DNAJC24: variants seen among roughly 807,000 people sequenced by gnomAD.
DNAJC24 encodes DnaJ heat shock protein family (Hsp40) member C24.
A neutral mutation model predicts 18.0 loss-of-function variants in DNAJC24; 17 were observed. The observed-to-expected ratio is 0.94, with a 90% CI of 0.65 to 1.42. The LOEUF is 1.42. Ranked by LOEUF, DNAJC24 falls within the 40% of genes most tolerant of loss-of-function variation. The pLI, the probability that DNAJC24 is intolerant of heterozygous loss-of-function variation, is 0.00. For synonymous variants in DNAJC24, 55 were observed against 57.7 expected (o/e 0.95, Z 0.21); for missense variants, 158 against 175.6 (o/e 0.90, Z 0.57).
chr11:31,432,816 A>C lies in DNAJC24; in HGVS notation c.*2415A>C, dbSNP rs551432389. Reference sequence around the variant, plus strand: ...TGAAATTATATGTGTGTGGTGTGTGAATAAATATGTATGAATATATGGTCT... The same window carrying C: ...TGAAATTATATGTGTGTGGTGTGTGCATAAATATGTATGAATATATGGTCT... On this transcript the variant is annotated 3_prime_UTR_variant, in exon 5 of 5. Transcript: ENST00000465995. Among the ~76,000 whole-genome samples the C allele has an allele frequency of 9.2e-5, 14 of 152,342 alleles. No individual in the cohort carries two copies. Among genetic ancestry groups the C allele is most frequent in the Admixed American group, 3.3e-4 (5 of 15,310 alleles).
intron 3 of DNAJC24, among the ~76,000 whole-genome samples, chr11:31,422,356 T>C (rs767700566): frequency 2.6e-5 from 4 of 152,188 alleles, no homozygotes; most frequent in East Asian, 1.9e-4. Context: ...TTTAGTATCA[T>C]TGGACTCATT....
rs763325351 is a variant in DNAJC24 at position 31,432,461 on chromosome 11, A to G, written c.*2060A>G. ...TCAACGGGAGTAATAAATTCACATGAAAAGGAGACAATAATCAAGTCAAAA... is the reference window on the plus strand; with the variant it reads ...TCAACGGGAGTAATAAATTCACATGGAAAGGAGACAATAATCAAGTCAAAA... On this transcript the variant is annotated 3_prime_UTR_variant, in exon 5 of 5. Transcript: ENST00000465995. The G allele has an allele frequency of 7.2e-7, 1 of 1,381,364 alleles. No homozygotes were observed. The highest frequency in any genetic ancestry group is 1.0e-6 in the Non-Finnish European group (1 of 970,062). 85.6% of individuals were successfully genotyped at this position (1,381,364 alleles called of 1,614,324 possible). A position where few individuals can be genotyped will look rare whatever the true frequency, so the allele number is the denominator to read the frequency against.
Position 31,430,399 on chromosome 11 carries a change from T to C in DNAJC24, c.448T>C (p.Ter150GlnextTer9). The C allele has an allele frequency of 6.2e-7, 1 of 1,601,414 alleles. No homozygotes were observed. Among genetic ancestry groups the C allele is most frequent in the Non-Finnish European group, 8.5e-7 (1 of 1,172,250 alleles). ...AATTATAGAACTCCTTCATTATAACTAAAATTGTTCACAACTTGAAATGCT... is the reference window on the plus strand; with the variant it reads ...AATTATAGAACTCCTTCATTATAACCAAAATTGTTCACAACTTGAAATGCT... Reference protein sequence around the residue: ...SLIIELLHYN* With the variant: ...SLIIELLHYNQ The change falls in exon 5 of 5, where the codon TAA becomes CAA. Residue 150 changes from the stop codon to glutamine, a stop_lost. Transcript: ENST00000465995.
intron 2 of DNAJC24, 89 bp downstream of exon 2, chr11:31,370,948 A>G: frequency 2.8e-6 from 2 of 713,100 alleles, no homozygotes; most frequent in South Asian, 3.9e-5. Flanking sequence ...AGAAAATAGG[A>G]TACCAGTGGC....
chr11:31,389,930 A>T (rs1289605685), intron 2 of DNAJC24, among the ~76,000 whole-genome samples: 3 of 152,250 alleles, frequency 2.0e-5, no homozygotes, highest in Non-Finnish European at 2.9e-5. Context: ...TGAAGAAATT[A>T]AGAAGGAAAT....
At chr11:31,426,741 A>G (rs939944620) in intron 4 of DNAJC24, 12 of 152,556 alleles carry the variant, frequency 7.9e-5, no homozygotes, top group African/African-American at 2.9e-4. Context: ...ATGAATTCCT[A>G]TTAGAATTTT....
intron 2 of DNAJC24, among the ~76,000 whole-genome samples, chr11:31,400,282 G>A (rs559206243): frequency 2.1e-4 from 32 of 152,108 alleles, no homozygotes; most frequent in Non-Finnish European, 3.8e-4. Flanking sequence ...CCAGTAATGG[G>A]ATTGCTGGGT....
chr11:31,405,505 T>G (rs936560667), intron 2 of DNAJC24, among the ~76,000 whole-genome samples: 1 of 151,174 alleles, frequency 6.6e-6, no homozygotes, highest in Non-Finnish European at 1.5e-5. Context: ...TTTGAGACAA[T>G]TTTTTTGCAT....
chr11:31,401,693 G>C (rs149255134), intron 2 of DNAJC24, among the ~76,000 whole-genome samples: 1 of 152,182 alleles, frequency 6.6e-6, no homozygotes, highest in Non-Finnish European at 1.5e-5. Flanking sequence ...CAAGAGGTCT[G>C]TTTAAAAATA....
In DNAJC24 at chr11:31,432,537, C is replaced by T. The variant is rs372412278; in HGVS notation, c.*2136C>T. ...AAATCTGTGGCCATTAGGGCTGGCACGTAAAAATCCAAAATCACTCAGAGG... is the reference window on the plus strand; with the variant it reads ...AAATCTGTGGCCATTAGGGCTGGCATGTAAAAATCCAAAATCACTCAGAGG... On this transcript the variant is annotated 3_prime_UTR_variant, in exon 5 of 5. Coordinates refer to ENST00000465995, the MANE Select transcript of DNAJC24 (RefSeq NM_181706.5). 9.3e-6 allele frequency: 15 copies of T among 1,612,974 alleles called. No individual in the cohort carries two copies. The highest frequency in any genetic ancestry group is 6.7e-5 in the East Asian group (3 of 44,800).
chr11:31,405,525 T>A (rs913523908), intron 2 of DNAJC24, among the ~76,000 whole-genome samples: 24 of 152,262 alleles, frequency 1.6e-4, no homozygotes, highest in African/African-American at 5.3e-4. Flanking sequence ...TCACCCAGGC[T>A]GGAGTATAGT....
chr11:31,429,517 T>G (rs1311297796), intron 4 of DNAJC24: 1 of 395,538 alleles, frequency 2.5e-6, no homozygotes, highest in Non-Finnish European at 5.4e-6. Context: ...GAATGACCAA[T>G]GGATCAGAGA....
chr11:31,426,207 C>A, intron 3 of DNAJC24, 80 bp from the exon 4 acceptor site: 1 of 865,862 alleles, frequency 1.2e-6, no homozygotes. Flanking sequence ...GCCAGGCTGG[C>A]GTTGCCTTTT....
chr11:31,401,877 G>A (rs1952604177), intron 2 of DNAJC24, among the ~76,000 whole-genome samples: 1 of 152,124 alleles, frequency 6.6e-6, no homozygotes, highest in African/African-American at 2.4e-5. Context: ...TATGTTAAAT[G>A]CAGGATTCCA....
intron 2 of DNAJC24, among the ~76,000 whole-genome samples, chr11:31,402,484 T>C (rs2133486597): frequency 6.6e-6 from 1 of 152,332 alleles, no homozygotes; most frequent in South Asian, 2.1e-4. Flanking sequence ...CCTTAGCTTA[T>C]TGTAACATTT....
chr11:31,421,271 G>A (rs1280424827), intron 3 of DNAJC24, among the ~76,000 whole-genome samples: 1 of 152,088 alleles, frequency 6.6e-6, no homozygotes. Context: ...ATGAGGTGAT[G>A]GTTTAAAATT....
chr11:31,424,978 C>A (rs550142139), intron 3 of DNAJC24, among the ~76,000 whole-genome samples: 1 of 150,648 alleles, frequency 6.6e-6, no homozygotes, highest in Non-Finnish European at 1.5e-5. Context: ...TTGTTTTTTT[C>A]TTTTTTCTTC....
intron 2 of DNAJC24, among the ~76,000 whole-genome samples, chr11:31,380,958 C>G (rs1952371198): frequency 6.6e-6 from 1 of 152,022 alleles, no homozygotes; most frequent in Non-Finnish European, 1.5e-5. Context: ...ATCCCTTCAC[C>G]CACTCCCAAA....
At chr11:31,425,400 C>A (rs963880826) in intron 3 of DNAJC24, among the ~76,000 whole-genome samples, 1 of 152,268 alleles carries the variant, frequency 6.6e-6, no homozygotes, top group East Asian at 1.9e-4. Context: ...TTCTATTAGT[C>A]TGCCTCAGCT....
Sources: allele counts gnomAD v4.1 joint callset (sites outside exome capture counted in the v4.1 genomes callset), GRCh38; gene constraint gnomAD v4.1.1; transcripts MANE v1.5; gene names NCBI Gene and HGNC (gene_info 2026-07-23, HGNC 2026-07-21).